CLIC5: variants seen among roughly 807,000 people sequenced by gnomAD.
CLIC5 encodes the protein CLIC family member 5, also known as chloride intracellular channel protein 5.
Under a neutral mutation model 24.7 loss-of-function variants are expected in CLIC5, and 20 were observed. The observed-to-expected ratio is 0.81, with a 90% CI of 0.57 to 1.18. The LOEUF is 1.18. Ranked by LOEUF, CLIC5 falls within the 50% of genes most tolerant of loss-of-function variation. The pLI is 0.00. For synonymous variants in CLIC5, 159 were observed against 135.6 expected (o/e 1.17, Z -1.20); for missense variants, 341 against 326.1 (o/e 1.05, Z -0.35).
intron 1 of CLIC5, among the ~76,000 whole-genome samples, chr6:45,982,480 A>G (rs184250579): frequency 1.3e-5 from 2 of 152,272 alleles, no homozygotes; most frequent in East Asian, 3.9e-4. Flanking sequence ...ACAGAAACCT[A>G]GATAGTTCCA....
the CLIC5 span, among the ~76,000 whole-genome samples, chr6:46,127,856 C>T: frequency 4.6e-5 from 7 of 152,134 alleles, no homozygotes; most frequent in Admixed American, 1.3e-4. Context: ...GAAATCTAGA[C>T]GTCATTTCTA....
intron 1 of CLIC5, among the ~76,000 whole-genome samples, chr6:46,064,657 G>T (rs1581913457): frequency 6.6e-6 from 1 of 151,920 alleles, no homozygotes; most frequent in South Asian, 2.1e-4. Context: ...TACTAAGTGG[G>T]GTTTAGCCCA....
chr6:46,015,602 G>C lies in CLIC5; in HGVS notation c.-60C>G, dbSNP rs1766975281. 7.4e-6 allele frequency: 11 copies of C among 1,485,116 alleles called. No homozygotes were observed. In the East Asian group the frequency reaches 2.7e-4, roughly 37 times the overall value. 92.0% of individuals were successfully genotyped at this position (1,485,116 alleles called of 1,614,324 possible). ...GGAGGCGCCACCTCTGCAGCACCTG[G>C]GCCAGCACTCTGCGCTCCTGCCGCT... On this transcript the variant is annotated 5_prime_UTR_variant, in exon 1 of 6. Transcript: ENST00000339561.
intron 1 of CLIC5, among the ~76,000 whole-genome samples, chr6:46,031,264 G>T (rs755558831): frequency 6.6e-6 from 1 of 152,142 alleles, no homozygotes; most frequent in African/African-American, 2.4e-5. Context: ...TGCAGAATAT[G>T]CTGTCTTCAG....
At chr6:45,965,648 T>A (rs962161265) in intron 1 of CLIC5, among the ~76,000 whole-genome samples, 1 of 152,162 alleles carries the variant, frequency 6.6e-6, no homozygotes, top group Non-Finnish European at 1.5e-5. Context: ...TAGCCTCAAA[T>A]AAACAGAACT....
intron 1 of CLIC5, among the ~76,000 whole-genome samples, chr6:45,988,397 G>A (rs555467946): frequency 4.6e-5 from 7 of 152,254 alleles, no homozygotes; most frequent in Non-Finnish European, 8.8e-5. Context: ...TCTCAGCCAC[G>A]TTAGGGAGGG....
chr6:45,935,288 C>T (rs1763888507), intron 4 of CLIC5, among the ~76,000 whole-genome samples: 2 of 152,184 alleles, frequency 1.3e-5, no homozygotes, highest in African/African-American at 4.8e-5. Context: ...GTTCCAGTGG[C>T]AGGCGGGGAG....
chr6:45,896,031 T>G (rs1762390144), downstream of CLIC5, among the ~76,000 whole-genome samples: 1 of 152,222 alleles, frequency 6.6e-6, no homozygotes, highest in Admixed American at 6.5e-5. Context: ...TTGAGTATGC[T>G]TTACTCTTTG....
chr6:45,997,094 G>A (rs1250166034), intron 1 of CLIC5, among the ~76,000 whole-genome samples: 3 of 151,656 alleles, frequency 2.0e-5, no homozygotes, highest in African/African-American at 7.3e-5. Context: ...GCAAAGACTT[G>A]GAACCAAGCC....
intron 1 of CLIC5, among the ~76,000 whole-genome samples, chr6:46,013,044 C>A (rs1206134366): frequency 6.6e-6 from 1 of 152,154 alleles, no homozygotes; most frequent in Non-Finnish European, 1.5e-5. Context: ...GAGACAATTA[C>A]AATTACATGT....
intron 5 of CLIC5, among the ~76,000 whole-genome samples, chr6:45,907,409 C>T (rs1762691241): frequency 6.6e-6 from 1 of 152,266 alleles, no homozygotes; most frequent in African/African-American, 2.4e-5. Flanking sequence ...ATTTGATGTG[C>T]TGCTGGATTT....
intron 1 of CLIC5, among the ~76,000 whole-genome samples, chr6:45,958,422 TTATATATA>T (rs35922936): frequency 0.054 from 447 of 8,204 alleles, 1 homozygote; most frequent in Non-Finnish European, 0.075. Context: ...AAAAAGACAA[TTATATATA>T]TATATATATA....
downstream of CLIC5, among the ~76,000 whole-genome samples, chr6:45,895,405 A>G (rs942146117): frequency 1.1e-4 from 17 of 152,346 alleles, no homozygotes; most frequent in Middle Eastern, 3.4e-3. Flanking sequence ...AGCCAGACAG[A>G]TAAATGCTGT....
the CLIC5 span, among the ~76,000 whole-genome samples, chr6:46,110,560 G>A: frequency 6.6e-6 from 1 of 152,196 alleles, no homozygotes; most frequent in Admixed American, 6.5e-5. Flanking sequence ...TGACCAGACT[G>A]CTTTGAGATT....
chr6:45,914,587 T>C (rs1324252864), intron 4 of CLIC5, 178 bp from the exon 5 acceptor site: 1 of 1,208,190 alleles, frequency 8.3e-7, no homozygotes, highest in African/African-American at 1.6e-5. Flanking sequence ...GTGTACTAAA[T>C]AGGCTGAAAA....
intron 6 of CLIC5, among the ~76,000 whole-genome samples, chr6:45,886,635 G>C (rs1762308335): frequency 6.6e-6 from 1 of 152,186 alleles, no homozygotes; most frequent in African/African-American, 2.4e-5. Context: ...GAAATCTGAA[G>C]GAAGAAACTG....
At chr6:46,011,948 C>G (rs144870141) in intron 1 of CLIC5, among the ~76,000 whole-genome samples, 13 of 152,304 alleles carry the variant, frequency 8.5e-5, no homozygotes, top group Middle Eastern at 6.8e-3. Context: ...CAGAAAGGTT[C>G]AGTCTGCCAT....
chr6:45,929,092 G>A (rs890026994), intron 4 of CLIC5, among the ~76,000 whole-genome samples: 3 of 151,890 alleles, frequency 2.0e-5, no homozygotes, highest in Non-Finnish European at 2.9e-5. Flanking sequence ...TAATGAATGC[G>A]CCCACCCACG....
At chr6:45,905,921 C>T (rs1276231433) in intron 5 of CLIC5, among the ~76,000 whole-genome samples, 1 of 152,202 alleles carries the variant, frequency 6.6e-6, no homozygotes, top group Non-Finnish European at 1.5e-5. Context: ...TTTCATTCTT[C>T]TGCATAGGGA....
Sources: gnomAD v4.1 joint callset for allele counts (sites outside exome capture counted in the v4.1 genomes callset) on GRCh38, gnomAD v4.1.1 for gene constraint, MANE v1.5 for transcripts, NCBI Gene and HGNC (gene_info 2026-07-23, HGNC 2026-07-21) for gene names.